Variants in TGFB2 observed in about 807,000 individuals in gnomAD.
TGFB2 encodes the protein transforming growth factor beta-2 proprotein.
In TGFB2, 13 loss-of-function variants were observed where a neutral mutation model predicts 42.7. The ratio of observed to expected loss-of-function variants is 0.30; its 90% confidence interval spans 0.20 to 0.48. The LOEUF (loss-of-function observed/expected upper bound fraction) is 0.48, where lower values mean the gene tolerates loss of function less well. Among genes scored for constraint, TGFB2 ranks in the 20% least tolerant of loss-of-function variants. The probability of loss-of-function intolerance (pLI) is 0.99; values close to 1 mark genes in which losing one functional copy is unlikely to be tolerated. For synonymous variants in TGFB2, 193 were observed against 193.6 expected (o/e 1.00, Z 0.03); for missense variants, 390 against 517.5 (o/e 0.75, Z 2.39).
At chr1:218,408,634 C>G (rs1658993446) in intron 2 of TGFB2, among the ~76,000 whole-genome samples, 1 of 152,162 alleles carries the variant, frequency 6.6e-6, no homozygotes, top group Admixed American at 6.5e-5. Context: ...CTCACACACA[C>G]TTTTGATGGA....
chr1:218,395,865 C>T (rs1273717443), intron 1 of TGFB2, among the ~76,000 whole-genome samples: 1 of 152,124 alleles, frequency 6.6e-6, no homozygotes, highest in Non-Finnish European at 1.5e-5. Flanking sequence ...CCACCCACCT[C>T]GGCCTCCCAA....
intron 1 of TGFB2, among the ~76,000 whole-genome samples, chr1:218,385,589 G>C (rs1400401852): frequency 6.6e-6 from 1 of 152,234 alleles, no homozygotes; most frequent in Non-Finnish European, 1.5e-5. Context: ...TCAAGACTAA[G>C]ACCAAGATCT....
intron 2 of TGFB2, among the ~76,000 whole-genome samples, chr1:218,426,730 A>C (rs1036359771): frequency 6.6e-6 from 1 of 152,190 alleles, no homozygotes; most frequent in Non-Finnish European, 1.5e-5. Context: ...AAAGCCAGGG[A>C]TTAGAAAAAC....
At chr1:218,440,330 T>C (rs1195574117) in intron 6 of TGFB2, among the ~76,000 whole-genome samples, 2 of 144,966 alleles carry the variant, frequency 1.4e-5, no homozygotes. Context: ...TATGAAGCAA[T>C]GGTAAAAAAA....
chr1:218,367,097 T>C (rs1400666202), intron 1 of TGFB2, among the ~76,000 whole-genome samples: 2 of 152,226 alleles, frequency 1.3e-5, no homozygotes, highest in Non-Finnish European at 1.5e-5. Context: ...TTGGATGTTA[T>C]GTATTTCTGC....
chr1:218,349,227 A>G (rs753425170), intron 1 of TGFB2, among the ~76,000 whole-genome samples: 1 of 152,206 alleles, frequency 6.6e-6, no homozygotes, highest in African/African-American at 2.4e-5. Flanking sequence ...GCAGAAAGCC[A>G]TATTAATAGC....
intron 1 of TGFB2, among the ~76,000 whole-genome samples, chr1:218,363,663 T>A (rs79324905): frequency 6.6e-6 from 1 of 152,258 alleles, no homozygotes; most frequent in South Asian, 2.1e-4. Flanking sequence ...CTTGTGGGGA[T>A]GAGATATGTG....
At chr1:218,428,345 T>C (rs1402180367) in intron 2 of TGFB2, among the ~76,000 whole-genome samples, 1 of 152,226 alleles carries the variant, frequency 6.6e-6, no homozygotes, top group East Asian at 1.9e-4. Flanking sequence ...TTTAATTAGA[T>C]CCCATTTGCC....
intron 1 of TGFB2, among the ~76,000 whole-genome samples, chr1:218,395,615 T>TG (rs1332368602): frequency 6.6e-6 from 1 of 150,880 alleles, no homozygotes; most frequent in East Asian, 1.9e-4. Flanking sequence ...CTTTTTCTTT[T>TG]TTTTTTTTTT....
Position 218,442,219 on chromosome 1 carries a change from T to G in TGFB2, c.*857T>G, listed in dbSNP as rs183485193. On this transcript the variant is annotated 3_prime_UTR_variant, in exon 7 of 7. Coordinates refer to ENST00000366930, the MANE Select transcript of TGFB2 (RefSeq NM_003238.6). ...AGTAAACCAGTGAAATGTTGAAATG[T>G]TTTGACATGTACTGGTCAAACTTCA... 6.6e-6 allele frequency: 1 copy of G among 152,274 alleles called. No homozygotes were observed. The highest frequency in any genetic ancestry group is 2.4e-5 in the African/African-American group (1 of 41,576). The allele number at this position is 152,274 out of a possible 1,614,324, so 9.4% of individuals were successfully genotyped here.
rs5781033 is a variant in TGFB2, at chr1:218,414,227, G to GCACA, written c.510+8919_510+8922dup. 1.3e-3 allele frequency among the ~76,000 whole-genome samples: 194 copies of GCACA among 145,874 alleles called. No individual in the cohort carries two copies. The South Asian group carries it at 0.014, about 10-fold the overall frequency. On this transcript the variant is annotated intron_variant, in intron 2 of 6. Coordinates refer to ENST00000366930, the MANE Select transcript of TGFB2 (RefSeq NM_003238.6). ...CTTTTTCCTAACCCTAAACACATGT[G>GCACA]CACACACACACACACACACACACAC...
chr1:218,394,310 T>C (rs545818071), intron 1 of TGFB2, among the ~76,000 whole-genome samples: 89 of 152,244 alleles, frequency 5.8e-4, no homozygotes, highest in African/African-American at 2.1e-3. Flanking sequence ...TGCACAACCC[T>C]GAGCCTGATG....
At position 218,360,865 on chromosome 1, in the gene TGFB2, C is replaced by G. The variant is rs113415410; in HGVS notation, c.346+13818C>G. Among the ~76,000 whole-genome samples, 335 of 151,660 alleles carry G rather than the reference C, an allele frequency of 2.2e-3. 2 individuals carry two copies. Among genetic ancestry groups the G allele is most frequent in the African/African-American group, 7.8e-3 (324 of 41,380 alleles). ...GATGATTGAAAACTGATTTTTTTTC[C>G]TTTTTCTGAGACAGAGTCTCACTGT... On this transcript the variant is annotated intron_variant, in intron 1 of 6. Coordinates refer to ENST00000366930, the MANE Select transcript of TGFB2 (RefSeq NM_003238.6).
chr1:218,399,825 C>T (rs1307857055), intron 1 of TGFB2, among the ~76,000 whole-genome samples: 1 of 151,916 alleles, frequency 6.6e-6, no homozygotes, highest in Non-Finnish European at 1.5e-5. Context: ...CATGAAAGGC[C>T]CACTGACCAC....
At chr1:218,401,797 G>A (rs559156690) in intron 1 of TGFB2, among the ~76,000 whole-genome samples, 16 of 152,276 alleles carry the variant, frequency 1.1e-4, no homozygotes, top group African/African-American at 3.6e-4. Context: ...CCCCTACCCC[G>A]GGCTCCCTCA....
intron 1 of TGFB2, among the ~76,000 whole-genome samples, chr1:218,372,052 T>C (rs977008457): frequency 6.6e-6 from 1 of 152,096 alleles, no homozygotes; most frequent in African/African-American, 2.4e-5. Flanking sequence ...GCGTGCTAGG[T>C]AGCTCAGGGC....
At position 218,429,379 on chromosome 1, in the gene TGFB2, A is replaced by G. The variant is rs185794915; in HGVS notation, c.511-4703A>G. Among the ~76,000 whole-genome samples, 710 of 152,364 alleles carry G rather than the reference A, an allele frequency of 4.7e-3. 12 individuals carry two copies. The highest frequency in any genetic ancestry group is 0.016 in the African/African-American group (676 of 41,590). Reference sequence around the variant, plus strand: ...TCTGTGTCAGCTTATTTCACTTAGCATAATCCTCAGAGTTCATCCATGTCA... The same window carrying G: ...TCTGTGTCAGCTTATTTCACTTAGCGTAATCCTCAGAGTTCATCCATGTCA... On this transcript the variant is annotated intron_variant, in intron 2 of 6. Transcript: ENST00000366930.
In TGFB2 at chr1:218,346,815, G is replaced by A. The variant is rs149215818; in HGVS notation, c.114G>A (p.Glu38=). 2,923 of 1,614,168 alleles carry A rather than the reference G, an allele frequency of 1.8e-3. 19 individuals are homozygous for A. The highest frequency in any genetic ancestry group is 0.013 in the South Asian group (1,160 of 91,082). The change falls in exon 1 of 7, where the codon GAG becomes GAA. Residue 38 remains glutamate, a synonymous_variant. Transcript: ENST00000366930. This position sits in a 1 kb window ranked among gnomAD's most constrained non-coding sequence, Gnocchi z 4.9. ...DMDQFMRKRI[E]AIRGQILSKL... ...ACCAGTTCATGCGCAAGAGGATCGA[G>A]GCGATCCGCGGGCAGATCCTGAGCA...
intron 2 of TGFB2, among the ~76,000 whole-genome samples, chr1:218,428,475 C>T (rs1429756895): frequency 2.0e-5 from 3 of 152,180 alleles, no homozygotes; most frequent in Non-Finnish European, 4.4e-5. Context: ...TTAGGTCTAA[C>T]ATTTAAGTCT....
Sources: gnomAD v4.1 joint callset for allele counts (sites outside exome capture counted in the v4.1 genomes callset) on GRCh38, gnomAD v4.1.1 for gene constraint, Gnocchi (gnomAD v3.1) non-coding constraint, MANE v1.5 for transcripts, NCBI Gene and HGNC (gene_info 2026-07-23, HGNC 2026-07-21) for gene names.